The following TAF8 variants were observed in gnomAD, a reference collection of about 807,000 sequenced individuals.
TAF8 encodes the protein TATA-box binding protein associated factor 8, also known as transcription initiation factor TFIID subunit 8.
Under a neutral mutation model 36.5 loss-of-function variants are expected in TAF8, and 47 were observed. The ratio of observed to expected loss-of-function variants is 1.29; its 90% CI spans 1.02 to 1.64. TAF8 has a LOEUF of 1.64. Among genes scored for constraint, TAF8 ranks in the 40% most tolerant of loss-of-function variants. The pLI is 0.00. For missense variants in TAF8, 420 were observed against 407.6 expected, an observed-to-expected ratio of 1.03 and a Z score of -0.26; for synonymous variants, 175 against 159.5, an observed-to-expected ratio of 1.10 and a Z score of -0.73.
intron 4 of TAF8, among the ~76,000 whole-genome samples, chr6:42,057,035 C>G (rs1232195800): frequency 6.6e-6 from 1 of 152,202 alleles, no homozygotes; most frequent in Non-Finnish European, 1.5e-5. Flanking sequence ...ATGTCCCCAG[C>G]TCATTGTTCC....
At position 42,068,610 on chromosome 6, in the gene TAF8, G is replaced by A. The variant is rs376274572; in HGVS notation, c.780+3G>A. 9.0e-5 allele frequency: 145 copies of A among 1,612,222 alleles called. 1 individual carries two copies. The African/African-American group carries it at 1.8e-3, about 20-fold the overall frequency. ...ACCTTGCTCTTCATATCAGCATGGT[G>A]GGTTCCACCTTCTGCCTACCTCAGA... On this transcript the variant is annotated splice_donor_region_variant and intron_variant, in intron 7 of 8. Coordinates refer to ENST00000372977, the MANE Select transcript of TAF8 (RefSeq NM_138572.3).
Position 42,078,979 on chromosome 6 carries a change from G to A in TAF8, c.*1434G>A, listed in dbSNP as rs145030082. ...TCTACTAAAAATACAAAAATTAGCC[G>A]GGTGTGGTTACTCATGCCTGTAATC... On this transcript the variant is annotated 3_prime_UTR_variant, in exon 9 of 9. Coordinates refer to ENST00000372977, the MANE Select transcript of TAF8 (RefSeq NM_138572.3). 5.7e-4 allele frequency: 325 copies of A among 567,708 alleles called. 1 individual carries two copies. In the African/African-American group the frequency reaches 6.0e-3, roughly 11 times the overall value. The allele number at this position is 567,708 out of a possible 1,614,324, so 35.2% of individuals were successfully genotyped here.
chr6:42,077,726 G>T lies in TAF8; in HGVS notation c.*181G>T. On this transcript the variant is annotated 3_prime_UTR_variant, in exon 9 of 9. Transcript: ENST00000372977. ...ATGACCTATTTTCACTGGATGTTTGGGTTGAGGAAGATATGAACAGAATAA... is the reference window on the plus strand; with the variant it reads ...ATGACCTATTTTCACTGGATGTTTGTGTTGAGGAAGATATGAACAGAATAA... 6.9e-7 allele frequency: 1 copy of T among 1,458,324 alleles called. No individual in the cohort carries two copies. The highest frequency in any genetic ancestry group is 2.5e-5 in the East Asian group (1 of 40,106). 90.3% of individuals were successfully genotyped at this position (1,458,324 alleles called of 1,614,324 possible). A position where few individuals can be genotyped will look rare whatever the true frequency, so the allele number is the denominator to read the frequency against.
chr6:42,076,248 C>T (rs1047075846), intron 7 of TAF8, among the ~76,000 whole-genome samples: 18 of 148,238 alleles, frequency 1.2e-4, no homozygotes, highest in Admixed American at 6.1e-4. Flanking sequence ...CCTCGGAGTT[C>T]GAGACTAGCC....
chr6:42,074,698 C>T (rs560749455), intron 7 of TAF8, among the ~76,000 whole-genome samples: 2 of 152,106 alleles, frequency 1.3e-5, no homozygotes, highest in Non-Finnish European at 2.9e-5. Context: ...CCATGCCCGG[C>T]TGATTTTTTT....
chr6:42,081,170 AGTGTGTGTGTGTGTGTGTGTGC>A lies in TAF8; in HGVS notation c.*3635_*3656del, dbSNP rs1765911558. On this transcript the variant is annotated 3_prime_UTR_variant, in exon 9 of 9. Transcript: ENST00000372977. ...TGTCCTTTATTTTCTTTCCTCCTGG[AGTGTGTGTGTGTGTGTGTGTGC>A]GTGTGTGTGCGTGTGAGACAGAGTT... The A allele has an allele frequency of 7.3e-6, 1 of 137,044 alleles. No individual in the cohort carries two copies. Among genetic ancestry groups the A allele is most frequent in the East Asian group, 2.5e-4 (1 of 3,996 alleles). The allele number at this position is 137,044 out of a possible 1,614,324, so 8.5% of individuals were successfully genotyped here.
intron 2 of TAF8, among the ~76,000 whole-genome samples, chr6:42,052,940 G>A (rs947624739): frequency 6.6e-6 from 1 of 152,222 alleles, no homozygotes; most frequent in African/African-American, 2.4e-5. Flanking sequence ...TGATCAAACA[G>A]TAGATGTGGG....
At chr6:42,050,608 T>C (rs1764731821) in intron 1 of TAF8, 22 bp downstream of exon 1, 1 of 1,542,652 alleles carries the variant, frequency 6.5e-7, no homozygotes, top group African/African-American at 1.4e-5. Flanking sequence ...AAGCGCGGGC[T>C]CGGAGCCGAG....
At position 42,050,880 on chromosome 6, in the gene TAF8, G is replaced by A. The variant is rs1317304130; in HGVS notation, c.45+294G>A. 3.4e-6 allele frequency: 4 copies of A among 1,188,578 alleles called. No individual in the cohort carries two copies. The African/African-American group carries it at 4.8e-5, about 14-fold the overall frequency. 73.6% of individuals were successfully genotyped at this position (1,188,578 alleles called of 1,614,324 possible). On this transcript the variant is annotated intron_variant, in intron 1 of 8. Transcript: ENST00000372977. ...TCTTATTGGCCGGCCAAAGTTGAAA[G>A]GCATTCCCGTTTCAAAATATTTAGC...
At position 42,051,517 on chromosome 6, in the gene TAF8, A is replaced by G; in HGVS notation, c.202+4A>G. ...CTGACAGAGATGCTGCAGAGCTGTG[A>G]GTACATGGAAACACTTGGCCTTGGA... On this transcript the variant is annotated splice_donor_region_variant and intron_variant, in intron 2 of 8. Coordinates refer to ENST00000372977, the MANE Select transcript of TAF8 (RefSeq NM_138572.3). The G allele has an allele frequency of 6.2e-7, 1 of 1,613,422 alleles. No homozygotes were observed. The highest frequency in any genetic ancestry group is 8.5e-7 in the Non-Finnish European group (1 of 1,179,606).
At position 42,078,776 on chromosome 6, in the gene TAF8, G is replaced by A. The variant is rs1412287936; in HGVS notation, c.*1231G>A. The A allele has an allele frequency of 7.1e-6, 7 of 985,480 alleles. No homozygotes were observed. Among genetic ancestry groups the A allele is most frequent in the Non-Finnish European group, 8.4e-6 (7 of 829,960 alleles). The allele number at this position is 985,480 out of a possible 1,614,324, so 61.0% of individuals were successfully genotyped here. ...AGGTTTTCTCTGACAAGAGCCTAGA[G>A]CGTCGGCTCTATTATGCTGGGACTT... On this transcript the variant is annotated 3_prime_UTR_variant, in exon 9 of 9. Coordinates refer to ENST00000372977, the MANE Select transcript of TAF8 (RefSeq NM_138572.3).
chr6:42,074,372 C>G (rs1765679250), intron 7 of TAF8, among the ~76,000 whole-genome samples: 1 of 152,142 alleles, frequency 6.6e-6, no homozygotes, highest in South Asian at 2.1e-4. Context: ...GCATTGTACT[C>G]CAGGGAGCTG....
intron 4 of TAF8, 76 bp downstream of exon 4, chr6:42,056,090 G>A: frequency 7.2e-6 from 7 of 975,402 alleles, no homozygotes; most frequent in Non-Finnish European, 1.2e-5. Context: ...AATATGGTAG[G>A]GATTGGATTA....
In TAF8 at chr6:42,078,598, C is replaced by T. The variant is rs558758127; in HGVS notation, c.*1053C>T. The T allele has an allele frequency of 2.0e-5, 20 of 985,330 alleles. No homozygotes were observed. In the South Asian group the frequency reaches 2.8e-4, roughly 14 times the overall value. The allele number at this position is 985,330 out of a possible 1,614,324, so 61.0% of individuals were successfully genotyped here. On this transcript the variant is annotated 3_prime_UTR_variant, in exon 9 of 9. Transcript: ENST00000372977. ...GCAGATGCATCACTGTGAAGAAGAA[C>T]GACATGTCGGGGCTGCACCTGTCCT...
At chr6:42,066,770 C>T (rs1366095507) in intron 6 of TAF8, among the ~76,000 whole-genome samples, 1 of 152,158 alleles carries the variant, frequency 6.6e-6, no homozygotes, top group South Asian at 2.1e-4. Context: ...GCATCAGGGG[C>T]CAGTTGCCCA....
intron 4 of TAF8, 130 bp from the exon 5 acceptor site, chr6:42,057,259 A>G (rs1213037521): frequency 2.3e-5 from 31 of 1,338,798 alleles, no homozygotes; most frequent in African/African-American, 4.4e-5. Context: ...CGATTGAAAT[A>G]CAAAATGCAA....
intron 6 of TAF8, among the ~76,000 whole-genome samples, chr6:42,067,889 A>G (rs551742859): frequency 6.6e-6 from 1 of 152,220 alleles, no homozygotes; most frequent in African/African-American, 2.4e-5. Context: ...GTTATTTTTT[A>G]TTCAATTTCT....
intron 7 of TAF8, chr6:42,071,310 ACTTTTTTTTTTTTTT>A (rs1765559230): frequency 1.4e-5 from 2 of 146,682 alleles, no homozygotes; most frequent in South Asian, 7.5e-5. Flanking sequence ...GCCTGGACAT[ACTTTTTTTTTTTTTT>A]TTTTTTTTTT....
intron 5 of TAF8, among the ~76,000 whole-genome samples, chr6:42,059,778 C>A (rs900245507): frequency 6.6e-6 from 1 of 152,166 alleles, no homozygotes; most frequent in African/African-American, 2.4e-5. Flanking sequence ...AGGTTAGAAG[C>A]AAGATGGAGT....
Sources: gnomAD v4.1 joint callset for allele counts (sites outside exome capture counted in the v4.1 genomes callset) on GRCh38, gnomAD v4.1.1 for gene constraint, MANE v1.5 for transcripts, NCBI Gene and HGNC (gene_info 2026-07-23, HGNC 2026-07-21) for gene names.